Variants in CALB2 observed in about 807,000 individuals in gnomAD.
The protein encoded by CALB2 is calretinin.
CALB2 carries 34 observed loss-of-function variants against 45.9 expected under a neutral mutation model. The observed-to-expected ratio is 0.74, with a 90% CI of 0.56 to 0.99. CALB2 has a LOEUF of 0.99. Ranked by LOEUF, CALB2 falls within the 50% of genes least tolerant of loss-of-function variation. The probability of loss-of-function intolerance (pLI) is 0.00; values close to 1 mark genes in which losing one functional copy is unlikely to be tolerated. For synonymous variants in CALB2, 142 were observed against 129.6 expected, an observed-to-expected ratio of 1.10 and a Z score of -0.65; for missense variants, 344 against 339.3, an observed-to-expected ratio of 1.01 and a Z score of -0.11.
chr16:71,384,132 G>A, intron 7 of CALB2, 107 bp downstream of exon 7: 2 of 1,269,324 alleles, frequency 1.6e-6, no homozygotes, highest in Non-Finnish European at 2.3e-6. Context: ...CGGGTGTCAA[G>A]AAGCTCAAGA....
intron 10 of CALB2, among the ~76,000 whole-genome samples, chr16:71,387,232 G>T (rs555808373): frequency 4.6e-4 from 70 of 152,300 alleles, no homozygotes; most frequent in Admixed American, 1.5e-3. Flanking sequence ...AGCTTGTGGT[G>T]CTGCACAGCT....
chr16:71,374,749 CAA>C lies in CALB2; in HGVS notation c.178_179del (p.Lys60GlufsTer2). The C allele has an allele frequency of 1.9e-6, 3 of 1,610,610 alleles. No individual in the cohort carries two copies. The highest frequency in any genetic ancestry group is 2.5e-6 in the Non-Finnish European group (3 of 1,177,118). On this transcript the variant is annotated frameshift_variant, in exon 3 of 11. Transcript: ENST00000302628. LOFTEE classifies it high-confidence loss of function. ...GCCCCCTTTGTCTTTCCACAGATGT[CAA>C]AGAGTGACAACTTTGGAGAAAAGAT...
At chr16:71,387,010 A>G (rs2042578094) in intron 10 of CALB2, among the ~76,000 whole-genome samples, 1 of 152,246 alleles carries the variant, frequency 6.6e-6, no homozygotes, top group South Asian at 2.1e-4. Context: ...GGAGAAAATT[A>G]TGTATGTGCC....
In CALB2 at chr16:71,383,973, C is replaced by T. The variant is rs774197581; in HGVS notation, c.481C>T (p.Arg161Trp). 1.9e-5 allele frequency: 31 copies of T among 1,613,740 alleles called. No homozygotes were observed. Among genetic ancestry groups the T allele is most frequent in the East Asian group, 2.2e-5 (1 of 44,902 alleles). ...GGCACCTTTCTGTCCCCAACAGCTA[C>T]GGATGTTTGACTTGAACGGGGATGG... ...KLQEYTQTIL[R>W]MFDLNGDGKL... is the part of the protein sequence containing the mutation. Residue 161 changes from arginine (R) to tryptophan (W), a missense_variant, in exon 7 of 11, where the codon CGG becomes TGG. Physicochemically the swap from Arg to Trp is moderately radical, Grantham distance 101. Transcript: ENST00000302628.
chr16:71,366,630 T>C (rs2004142), intron 1 of CALB2, among the ~76,000 whole-genome samples: 4,870 of 152,174 alleles, frequency 0.032, 263 homozygotes, highest in African/African-American at 0.11. Context: ...CACACCTGGC[T>C]TGAGAACCAG....
chr16:71,385,102 G>A (rs1006982776), intron 9 of CALB2, among the ~76,000 whole-genome samples: 2 of 152,122 alleles, frequency 1.3e-5, no homozygotes, highest in Non-Finnish European at 2.9e-5. Flanking sequence ...CCACGCTGTC[G>A]GGAGCCAAAG....
At chr16:71,388,380 A>T (rs2042596093) in intron 10 of CALB2, among the ~76,000 whole-genome samples, 1 of 151,978 alleles carries the variant, frequency 6.6e-6, no homozygotes, top group Non-Finnish European at 1.5e-5. Context: ...GAAAAAAGAA[A>T]AAAGAGGGAT....
In CALB2 at chr16:71,382,904, A is replaced by C. The variant is rs2042517141; in HGVS notation, c.399+129A>C. The C allele has an allele frequency of 6.3e-6, 5 of 789,214 alleles. No individual in the cohort carries two copies. In the Admixed American group the frequency reaches 1.4e-4, roughly 22 times the overall value. The allele number at this position is 789,214 out of a possible 1,614,324, so 48.9% of individuals were successfully genotyped here. The stretch of plus-strand genomic sequence containing the variant: ...TTAGGAATACTCAGACCTGGCACTG[A>C]ATTGTTGGACTTGTTTAGAGAAGTC... On this transcript the variant is annotated intron_variant, in intron 5 of 10. Transcript: ENST00000302628.
chr16:71,368,339 G>A (rs942342659), intron 1 of CALB2, among the ~76,000 whole-genome samples: 6 of 152,038 alleles, frequency 3.9e-5, no homozygotes, highest in Non-Finnish European at 8.8e-5. Context: ...GCAAAACCCT[G>A]TCTCTACCAA....
chr16:71,389,766 G>C lies in CALB2; in HGVS notation c.717G>C (p.Gln239His), dbSNP rs1305642256. The change falls in exon 11 of 11, where the codon CAG (glutamine) becomes CAC (histidine). Residue 239 changes from glutamine (Q) to histidine (H), a missense_variant. Gln to His is a conservative substitution (Grantham distance 24). Transcript: ENST00000302628. ...TTTCCTAGGAAATGAATATTCAACA[G>C]CTCACCAACTACAGAAAGAGCGTCA... is the stretch of plus-strand genomic sequence containing the variant. Reference protein sequence around the residue: ...EKNKKEMNIQQLTNYRKSVMS... With the variant: ...EKNKKEMNIQHLTNYRKSVMS... The C allele has an allele frequency of 6.2e-7, 1 of 1,613,582 alleles. No individual in the cohort carries two copies. Among genetic ancestry groups the C allele is most frequent in the Non-Finnish European group, 8.5e-7 (1 of 1,179,734 alleles).
At chr16:71,382,869 T>G (rs886797883) in intron 5 of CALB2, 94 bp downstream of exon 5, 2 of 1,135,990 alleles carry the variant, frequency 1.8e-6, no homozygotes, top group East Asian at 4.8e-5. Context: ...GGCATGAGTT[T>G]GCGGGCTGCT....
intron 10 of CALB2, chr16:71,389,375 G>C (rs2042610153): frequency 2.3e-6 from 1 of 440,580 alleles, no homozygotes; most frequent in South Asian, 1.6e-5. Context: ...GTCATACATA[G>C]ATCATGACTG....
Position 71,382,838 on chromosome 16 carries a change from GGGA to G in CALB2, c.399+68_399+70del, listed in dbSNP as rs1447286122. On this transcript the variant is annotated intron_variant, in intron 5 of 10. Transcript: ENST00000302628. ...GCGGTGGGCTTAAGGTGCCTGAGGA[GGGA>G]GGAGATGTTGGATGAGGGGCATGAG... 4.8e-6 allele frequency: 7 copies of G among 1,443,914 alleles called. No individual in the cohort carries two copies. In the East Asian group the frequency reaches 9.3e-5, roughly 19 times the overall value. The allele number at this position is 1,443,914 out of a possible 1,614,324, so 89.4% of individuals were successfully genotyped here. A position where few individuals can be genotyped will look rare whatever the true frequency, so the allele number is the denominator to read the frequency against.
In CALB2 at chr16:71,390,034, G is replaced by A. The variant is rs1275877837; in HGVS notation, c.*169G>A. ...ATAGAGGATGGGCAGCTGGGGGGCT[G>A]TCCTGAGCCCCCTGCACCCACCCCT... On this transcript the variant is annotated 3_prime_UTR_variant, in exon 11 of 11. Coordinates refer to ENST00000302628, the MANE Select transcript of CALB2 (RefSeq NM_001740.5). 2 of 599,306 alleles carry A rather than the reference G, an allele frequency of 3.3e-6. No individual in the cohort carries two copies. The highest frequency in any genetic ancestry group is 6.0e-6 in the Non-Finnish European group (2 of 335,258). The allele number at this position is 599,306 out of a possible 1,614,324, so 37.1% of individuals were successfully genotyped here.
At chr16:71,365,366 G>T (rs117701781) in intron 1 of CALB2, among the ~76,000 whole-genome samples, 1 of 152,154 alleles carries the variant, frequency 6.6e-6, no homozygotes, top group African/African-American at 2.4e-5. Context: ...GCGACTGGAC[G>T]CAACATCTTG....
intron 2 of CALB2, among the ~76,000 whole-genome samples, chr16:71,373,745 A>G (rs2042379714): frequency 6.6e-6 from 1 of 152,256 alleles, no homozygotes; most frequent in African/African-American, 2.4e-5. Flanking sequence ...TGGAAGGGCT[A>G]CTAACTTCAC....
intron 7 of CALB2, 140 bp from the exon 8 acceptor site, chr16:71,384,199 T>C: frequency 9.9e-7 from 1 of 1,011,134 alleles, no homozygotes; most frequent in Non-Finnish European, 1.6e-6. Context: ...TCCCTCGTTT[T>C]TGAACTTCCC....
rs557831136 is a variant in CALB2, at chr16:71,389,979, C to T, written c.*114C>T. On this transcript the variant is annotated 3_prime_UTR_variant, in exon 11 of 11. Transcript: ENST00000302628. ...CCCGCCCCCACCCCTACAGCCTGCA[C>T]ACACCTGCCTGCAGAGCAGGAAATG... 1 of 701,444 alleles carries T rather than the reference C, an allele frequency of 1.4e-6. No homozygotes were observed. The allele number at this position is 701,444 out of a possible 1,614,324, so 43.5% of individuals were successfully genotyped here.
At chr16:71,373,089 C>A (rs1362100643) in intron 2 of CALB2, among the ~76,000 whole-genome samples, 1 of 152,166 alleles carries the variant, frequency 6.6e-6, no homozygotes. Flanking sequence ...ATTTGAAATA[C>A]TGCAAAGCTC....
Sources: allele counts gnomAD v4.1 joint callset (sites outside exome capture counted in the v4.1 genomes callset), GRCh38; gene constraint gnomAD v4.1.1; transcripts MANE v1.5; gene names NCBI Gene and HGNC (gene_info 2026-07-23, HGNC 2026-07-21).